The following WSCD2 variants were observed in gnomAD, a reference collection of about 807,000 sequenced individuals.
The protein encoded by WSCD2 is WSC domain sialate O sulfotransferase 2.
Under a neutral mutation model 55.7 loss-of-function variants are expected in WSCD2, and 28 were observed. The ratio of observed to expected loss-of-function variants is 0.50; its 90% CI spans 0.37 to 0.69. The LOEUF is 0.69. WSCD2 is among the 30% of genes least tolerant of loss of function. The pLI is 0.00. For synonymous variants in WSCD2, 301 were observed against 301.9 expected (o/e 1.00, Z 0.03); for missense variants, 616 against 762.1 (o/e 0.81, Z 2.26).
chr12:108,180,743 C>T (rs1036198828), intron 1 of WSCD2, among the ~76,000 whole-genome samples: 15 of 152,232 alleles, frequency 9.9e-5, no homozygotes, highest in Non-Finnish European at 2.1e-4. Flanking sequence ...CTCACAACTA[C>T]CCAGCACCCA....
intron 1 of WSCD2, among the ~76,000 whole-genome samples, chr12:108,176,251 C>T (rs1276382251): frequency 6.6e-6 from 1 of 152,182 alleles, no homozygotes; most frequent in East Asian, 1.9e-4. Context: ...AACCATATAA[C>T]CTCTACTGCA....
At chr12:108,132,719 C>T (rs181949122) in intron 1 of WSCD2, among the ~76,000 whole-genome samples, 1 of 152,306 alleles carries the variant, frequency 6.6e-6, no homozygotes, top group East Asian at 1.9e-4. Flanking sequence ...GTTTAAGAAG[C>T]TATACTCTCT....
intron 4 of WSCD2, among the ~76,000 whole-genome samples, chr12:108,215,409 C>T (rs1426358): frequency 0.22 from 34,045 of 152,056 alleles, 4,082 homozygotes; most frequent in African/African-American, 0.31. Flanking sequence ...CTGGGGCCAC[C>T]GAGTGAGGTA....
At chr12:108,237,146 T>A (rs148412451) in intron 7 of WSCD2, among the ~76,000 whole-genome samples, 1 of 152,246 alleles carries the variant, frequency 6.6e-6, no homozygotes, top group African/African-American at 2.4e-5. Flanking sequence ...AAGATGGGAC[T>A]TTCCTGTCCC....
intron 4 of WSCD2, among the ~76,000 whole-genome samples, chr12:108,221,022 T>C (rs1389991845): frequency 1.3e-5 from 2 of 152,184 alleles, no homozygotes; most frequent in African/African-American, 4.8e-5. Flanking sequence ...GAGGTACTCA[T>C]AGCATCTATC....
chr12:108,150,642 GAGGC>G (rs1283405286), intron 1 of WSCD2, among the ~76,000 whole-genome samples: 2 of 152,152 alleles, frequency 1.3e-5, no homozygotes, highest in Non-Finnish European at 1.5e-5. Context: ...ACACAGGAGA[GAGGC>G]AGGCAGGACC....
intron 1 of WSCD2, among the ~76,000 whole-genome samples, chr12:108,177,110 A>T (rs1272536193): frequency 6.6e-6 from 1 of 152,102 alleles, no homozygotes; most frequent in Non-Finnish European, 1.5e-5. Flanking sequence ...TGCATCCATT[A>T]TTCAATGCTC....
chr12:108,237,439 G>A (rs11615881), intron 7 of WSCD2, among the ~76,000 whole-genome samples: 21,202 of 152,204 alleles, frequency 0.14, 1,556 homozygotes, highest in Middle Eastern at 0.16. Flanking sequence ...TCATGTTTAC[G>A]TCATGGAGAT....
chr12:108,248,159 A>G lies in WSCD2; in HGVS notation c.1514A>G (p.Asp505Gly), dbSNP rs751671778. The G allele has an allele frequency of 8.7e-6, 14 of 1,614,142 alleles. No individual in the cohort carries two copies. The highest frequency in any genetic ancestry group is 7.7e-5 in the South Asian group (7 of 91,084). The change falls in exon 9 of 9, where the codon GAC becomes GGC. Residue 505 changes from aspartate (D) to glycine (G), a missense_variant. Transcript: ENST00000547525. The surrounding 1 kb of genome is among the most constrained non-coding windows in gnomAD (Gnocchi z 4.3). ...VSLLGVAVRE[D>G]RLLCVESQKD... ...CTGCTGGGCGTGGCTGTCAGGGAGG[A>G]CCGGCTGCTCTGTGTGGAGAGCCAG...
Position 108,206,342 on chromosome 12 carries a change from G to A in WSCD2, c.436G>A (p.Val146Met). The change falls in exon 3 of 9, where the codon GTG (valine) becomes ATG (methionine). Residue 146 changes from valine to methionine, a missense_variant. Transcript: ENST00000547525. ...CACCCAGAGTCGGGCCCTTCGAGGA[G>A]TGTCCTTTTTTGACTACAAAAAGAT... The part of the protein sequence containing the change: ...DDTQSRALRG[V>M]SFFDYKKMTI... 3 of 1,614,200 alleles carry A rather than the reference G, an allele frequency of 1.9e-6. No homozygotes were observed. The highest frequency in any genetic ancestry group is 2.5e-6 in the Non-Finnish European group (3 of 1,180,034).
chr12:108,130,475 G>GGGGTGTGT, intron 1 of WSCD2, among the ~76,000 whole-genome samples: 1 of 134,512 alleles, frequency 7.4e-6, no homozygotes, highest in South Asian at 2.5e-4. Context: ...TCCATTCTGG[G>GGGGTGTGT]GTGTGTGTGT....
chr12:108,244,782 C>T (rs781400694), intron 8 of WSCD2, among the ~76,000 whole-genome samples: 4 of 152,176 alleles, frequency 2.6e-5, no homozygotes, highest in Non-Finnish European at 5.9e-5. Flanking sequence ...GCCTAGAAGT[C>T]ATGCTTCCCT....
intron 1 of WSCD2, among the ~76,000 whole-genome samples, chr12:108,135,250 T>C (rs960319668): frequency 6.6e-6 from 1 of 152,218 alleles, no homozygotes; most frequent in Admixed American, 6.5e-5. Flanking sequence ...CTCAGCATCA[T>C]ACTCTGTGCT....
intron 1 of WSCD2, among the ~76,000 whole-genome samples, chr12:108,160,917 C>T (rs1878993422): frequency 6.6e-6 from 1 of 152,202 alleles, no homozygotes. Context: ...CTTGTCCCAC[C>T]ACCTTCCTGA....
At position 108,153,039 on chromosome 12, in the gene WSCD2, G is replaced by T. The variant is rs138946598; in HGVS notation, c.-552+23113G>T. On this transcript the variant is annotated intron_variant, in intron 1 of 8. Coordinates refer to ENST00000547525, the MANE Select transcript of WSCD2 (RefSeq NM_014653.4). ...GAATCGCTTGAACCTGGAGGCAGAG[G>T]TTGCAGTGAGCCGAGATCACACCAC... 2.2e-3 allele frequency among the ~76,000 whole-genome samples: 328 copies of T among 151,940 alleles called. 1 individual carries two copies. The highest frequency in any genetic ancestry group is 7.3e-3 in the African/African-American group (302 of 41,434).
chr12:108,152,246 T>C (rs1878083026), intron 1 of WSCD2, among the ~76,000 whole-genome samples: 2 of 152,224 alleles, frequency 1.3e-5, no homozygotes, highest in African/African-American at 4.8e-5. Context: ...AAAGTGCCTC[T>C]GTTTGGCTTG....
chr12:108,176,896 C>T (rs1880946194), intron 1 of WSCD2, among the ~76,000 whole-genome samples: 1 of 152,072 alleles, frequency 6.6e-6, no homozygotes, highest in African/African-American at 2.4e-5. Context: ...TAGAACAGCC[C>T]ACGTGAAAGC....
chr12:108,237,417 G>T (rs563119533), intron 7 of WSCD2, among the ~76,000 whole-genome samples: 1 of 152,334 alleles, frequency 6.6e-6, no homozygotes, highest in Admixed American at 6.5e-5. Context: ...TAAAAGATAG[G>T]ATTTAAATAT....
chr12:108,193,879 C>G (rs1486087461), intron 1 of WSCD2, among the ~76,000 whole-genome samples: 3 of 152,120 alleles, frequency 2.0e-5, no homozygotes, highest in Non-Finnish European at 4.4e-5. Flanking sequence ...GTGCTCAGTA[C>G]TTAGTTCTTG....
Sources: allele counts gnomAD v4.1 joint callset (sites outside exome capture counted in the v4.1 genomes callset), GRCh38; gene constraint gnomAD v4.1.1; non-coding constraint Gnocchi (gnomAD v3.1); transcripts MANE v1.5; gene names NCBI Gene and HGNC (gene_info 2026-07-23, HGNC 2026-07-21).